The following THEMIS variants were observed in gnomAD, a reference collection of about 807,000 sequenced individuals.
THEMIS encodes thymocyte selection associated.
Under a neutral mutation model 52.6 loss-of-function variants are expected in THEMIS, and 37 were observed. The observed-to-expected ratio is 0.70, with a 90% CI of 0.54 to 0.93. THEMIS has a LOEUF of 0.93. THEMIS is among the 40% of genes least tolerant of loss of function. THEMIS has a pLI of 0.00. For missense variants in THEMIS, 808 were observed against 763.1 expected (o/e 1.06, Z -0.69); for synonymous variants, 292 against 272.7 (o/e 1.07, Z -0.70).
At position 127,910,234 on chromosome 6, in the gene THEMIS, G is replaced by C. The variant is rs1044002021; in HGVS notation, c.-150+8194C>G. On this transcript the variant is annotated intron_variant, in intron 1 of 6. Coordinates refer to the THEMIS transcript ENST00000368250. ...TTTTTTATAAAGAATTACAGTCATAGTTCAGACTACCTTCTCAGTGTCTCT... is the reference window on the plus strand; with the variant it reads ...TTTTTTATAAAGAATTACAGTCATACTTCAGACTACCTTCTCAGTGTCTCT... 1.1e-4 allele frequency among the ~76,000 whole-genome samples: 16 copies of C among 152,184 alleles called. 1 individual carries two copies. The highest frequency in any genetic ancestry group is 7.9e-4 in the Admixed American group (12 of 15,266).
intron 1 of THEMIS, among the ~76,000 whole-genome samples, chr6:127,879,403 C>T (rs911713509): frequency 6.6e-6 from 1 of 151,992 alleles, no homozygotes; most frequent in African/African-American, 2.4e-5. Flanking sequence ...AGAGTGTCAG[C>T]TGGATAAATG....
chr6:127,723,390 C>T (rs911316559), intron 4 of THEMIS, among the ~76,000 whole-genome samples: 2 of 152,026 alleles, frequency 1.3e-5, no homozygotes, highest in African/African-American at 4.8e-5. Context: ...TATTCTTAGT[C>T]TCCTTTGCTG....
At chr6:127,706,785 T>C (rs1398864872), downstream of THEMIS, among the ~76,000 whole-genome samples, 1 of 151,850 alleles carries the variant, frequency 6.6e-6, no homozygotes, top group Non-Finnish European at 1.5e-5. Context: ...CTAAAGGAAG[T>C]AAGGGAGTGA....
intron 4 of THEMIS, among the ~76,000 whole-genome samples, chr6:127,773,048 C>T (rs1227271108): frequency 1.3e-5 from 2 of 152,022 alleles, no homozygotes; most frequent in African/African-American, 4.8e-5. Flanking sequence ...AAACTAAGTA[C>T]CTAAAGCATC....
chr6:127,791,030 T>A (rs1204896433), intron 4 of THEMIS, among the ~76,000 whole-genome samples: 1 of 152,232 alleles, frequency 6.6e-6, no homozygotes, highest in Admixed American at 6.5e-5. Flanking sequence ...GCTGAAACTC[T>A]TCTCTCCTTC....
intron 5 of THEMIS, among the ~76,000 whole-genome samples, chr6:127,717,479 C>A (rs891497695): frequency 1.3e-5 from 2 of 151,770 alleles, no homozygotes; most frequent in Non-Finnish European, 2.9e-5. Context: ...CATCACTAAG[C>A]AACAAGAGTG....
chr6:127,763,369 G>C (rs979313072), intron 4 of THEMIS, among the ~76,000 whole-genome samples: 1 of 151,946 alleles, frequency 6.6e-6, no homozygotes, highest in Non-Finnish European at 1.5e-5. Context: ...GCTATGACTA[G>C]ATTAACTAAC....
chr6:127,826,995 T>C (rs1778530710), intron 3 of THEMIS, among the ~76,000 whole-genome samples: 1 of 151,998 alleles, frequency 6.6e-6, no homozygotes, highest in Non-Finnish European at 1.5e-5. Context: ...GTAATAGGAG[T>C]AGAATATCTT....
At chr6:127,700,200 A>C in the THEMIS span, among the ~76,000 whole-genome samples, 103 of 152,006 alleles carry the variant, frequency 6.8e-4, no homozygotes, top group African/African-American at 2.4e-3. Context: ...ACATTAGAGT[A>C]GTCTTCCTCT....
rs1014530828 is a variant in THEMIS at position 127,791,927 on chromosome 6, G to A, written c.1758+20956C>T. ...TGGGAATGGGCAGAGGTCAGGCAGC[G>A]AGAGCAGGCACTTTTGAGCCTGAAG... is the stretch of plus-strand genomic sequence containing the variant. On this transcript the variant is annotated intron_variant, in intron 4 of 5. Transcript: ENST00000368248. Among the ~76,000 whole-genome samples the A allele has an allele frequency of 3.9e-4, 60 of 152,344 alleles. 1 individual carries two copies. The highest frequency in any genetic ancestry group is 1.4e-3 in the African/African-American group (58 of 41,586).
intron 4 of THEMIS, among the ~76,000 whole-genome samples, chr6:127,727,151 G>C (rs1459625357): frequency 1.3e-5 from 2 of 152,242 alleles, no homozygotes; most frequent in East Asian, 3.9e-4. Flanking sequence ...GTAGCTCTTT[G>C]TGTAGAGATA....
At chr6:127,841,996 G>C (rs1304586737) in intron 2 of THEMIS, among the ~76,000 whole-genome samples, 3 of 151,868 alleles carry the variant, frequency 2.0e-5, no homozygotes, top group African/African-American at 7.3e-5. Context: ...CTCTATTTAG[G>C]GCTGCTCTGA....
intron 4 of THEMIS, among the ~76,000 whole-genome samples, chr6:127,762,480 C>T (rs1013836762): frequency 1.1e-4 from 16 of 152,180 alleles, no homozygotes; most frequent in Non-Finnish European, 1.9e-4. Context: ...ATCTAAAGCG[C>T]TTATCATTCC....
intron 4 of THEMIS, among the ~76,000 whole-genome samples, chr6:127,782,745 C>G (rs117500034): frequency 6.6e-6 from 1 of 151,952 alleles, no homozygotes; most frequent in Non-Finnish European, 1.5e-5. Flanking sequence ...TCCTATTTGG[C>G]CATACTCCAC....
At chr6:127,844,420 C>T (rs953222880) in intron 2 of THEMIS, among the ~76,000 whole-genome samples, 11 of 151,884 alleles carry the variant, frequency 7.2e-5, no homozygotes, top group African/African-American at 2.7e-4. Context: ...TCTGCTACCT[C>T]CCGAAACAAA....
At chr6:127,752,730 T>C (rs1775690018) in intron 4 of THEMIS, among the ~76,000 whole-genome samples, 1 of 151,796 alleles carries the variant, frequency 6.6e-6, no homozygotes, top group South Asian at 2.1e-4. Context: ...GCTTTACTGG[T>C]GAATTTTACC....
At chr6:127,844,988 A>G (rs994500921) in intron 2 of THEMIS, among the ~76,000 whole-genome samples, 2 of 151,866 alleles carry the variant, frequency 1.3e-5, no homozygotes, top group Admixed American at 6.6e-5. Context: ...TGGAAATAAA[A>G]TATTAATATA....
chr6:127,917,994 T>A (rs1314994571), intron 1 of THEMIS, among the ~76,000 whole-genome samples: 2 of 152,204 alleles, frequency 1.3e-5, no homozygotes, highest in East Asian at 3.9e-4. Flanking sequence ...AGAGCCCTAA[T>A]CAATACACTG....
intron 4 of THEMIS, among the ~76,000 whole-genome samples, chr6:127,732,847 C>T (rs375331779): frequency 2.0e-5 from 3 of 152,162 alleles, no homozygotes; most frequent in East Asian, 3.9e-4. Flanking sequence ...CATTTCTATT[C>T]GGTGCACATA....
Sources: gnomAD v4.1 joint callset for allele counts (sites outside exome capture counted in the v4.1 genomes callset) on GRCh38, gnomAD v4.1.1 for gene constraint, MANE v1.5 for transcripts, NCBI Gene and HGNC (gene_info 2026-07-23, HGNC 2026-07-21) for gene names.